The following MYO1G variants were observed in gnomAD, a reference collection of about 807,000 sequenced individuals.
The protein encoded by MYO1G is unconventional myosin-Ig.
MYO1G carries 65 observed loss-of-function variants against 115.3 expected under a neutral mutation model. The observed-to-expected ratio is 0.56, with a 90% CI of 0.46 to 0.69. The LOEUF is 0.69. Ranked by LOEUF, MYO1G falls within the 30% of genes least tolerant of loss-of-function variation. MYO1G has a pLI of 0.00. For synonymous variants in MYO1G, 510 were observed against 552.6 expected (o/e 0.92, Z 1.08); for missense variants, 1,204 against 1,393.5 (o/e 0.86, Z 2.16).
chr7:44,966,058 C>T lies in MYO1G; in HGVS notation c.2157+15G>A. The T allele has an allele frequency of 6.2e-7, 1 of 1,608,754 alleles. No individual in the cohort carries two copies. The highest frequency in any genetic ancestry group is 8.5e-7 in the Non-Finnish European group (1 of 1,179,214). On this transcript the variant is annotated intron_variant, in intron 16 of 21. Coordinates refer to ENST00000258787, the MANE Select transcript of MYO1G (RefSeq NM_033054.3). This position sits in a 1 kb window ranked among gnomAD's most constrained non-coding sequence, Gnocchi z 5.0. ...CACCTCCATAGTGGATGTCTTCCTG[C>T]CCCGCCCACCTCACCTTCTGCAATA...
chr7:44,966,285 C>T lies in MYO1G; in HGVS notation c.1950-5G>A, dbSNP rs962725270. ...TATTCACAGGTCATCTTGTACCTGT[C>T]ACCACAGGACAGGGCAGTGTGGCCC... is the stretch of plus-strand genomic sequence containing the variant. On this transcript the variant is annotated splice_polypyrimidine_tract_variant and splice_region_variant and intron_variant, in intron 15 of 21. Coordinates refer to ENST00000258787, the MANE Select transcript of MYO1G (RefSeq NM_033054.3). The surrounding 1 kb of genome is among the most constrained non-coding windows in gnomAD (Gnocchi z 5.0). 2 of 1,596,072 alleles carry T rather than the reference C, an allele frequency of 1.3e-6. No homozygotes were observed. The highest frequency in any genetic ancestry group is 1.3e-5 in the African/African-American group (1 of 74,566).
chr7:44,976,849 G>T lies in MYO1G; in HGVS notation c.304+14C>A, dbSNP rs775994196. The T allele has an allele frequency of 4.3e-6, 7 of 1,612,462 alleles. No individual in the cohort carries two copies. The highest frequency in any genetic ancestry group is 5.9e-6 in the Non-Finnish European group (7 of 1,179,512). On this transcript the variant is annotated intron_variant, in intron 2 of 21. Transcript: ENST00000258787. ...AGATGCCGAGGGTGGGGGCCCGGCG[G>T]CAGGGACAGGTACCTGAGATGACGA...
At chr7:44,965,602 G>A (rs1226288445) in intron 17 of MYO1G, 35 bp downstream of exon 17, 2 of 1,575,870 alleles carry the variant, frequency 1.3e-6, no homozygotes, top group South Asian at 1.1e-5. Context: ...GTGGATGCCA[G>A]CTGAATGGAA....
At position 44,964,057 on chromosome 7, in the gene MYO1G, G is replaced by C. The variant is rs1356765158; in HGVS notation, c.2737C>G (p.Leu913Val). The C allele has an allele frequency of 6.3e-7, 1 of 1,591,226 alleles. No homozygotes were observed. Among genetic ancestry groups the C allele is most frequent in the Non-Finnish European group, 8.6e-7 (1 of 1,168,800 alleles). Residue 913 changes from leucine to valine, a missense_variant, in exon 20 of 22, where the codon CTT (leucine) becomes GTT (valine). By Grantham distance (32) the Leu-to-Val change is conservative. Coordinates refer to ENST00000258787, the MANE Select transcript of MYO1G (RefSeq NM_033054.3). The surrounding 1 kb of genome is among the most constrained non-coding windows in gnomAD (Gnocchi z 5.1). Reference protein sequence around the residue: ...RQYRVMRAVPLEAVTGLSVTS... With the variant: ...RQYRVMRAVPVEAVTGLSVTS... ...CCACCCACATTGCTCACCGCCTCAA[G>C]GGGCACGGCCCGCATCACCCGGTAC...
Position 44,978,999 on chromosome 7 carries a change from C to T in MYO1G, c.-38G>A. Reference sequence around the variant, plus strand: ...AAACACCTTGCCTCACCTTCCTGTGCCTGCTGGAAGGACAGTGAAGGAGAG... The same window carrying T: ...AAACACCTTGCCTCACCTTCCTGTGTCTGCTGGAAGGACAGTGAAGGAGAG... On this transcript the variant is annotated 5_prime_UTR_variant, in exon 1 of 22. Coordinates refer to ENST00000258787, the MANE Select transcript of MYO1G (RefSeq NM_033054.3). 6.3e-7 allele frequency: 1 copy of T among 1,592,068 alleles called. No homozygotes were observed. Among genetic ancestry groups the T allele is most frequent in the Non-Finnish European group, 8.6e-7 (1 of 1,160,028 alleles).
intron 5 of MYO1G, chr7:44,973,757 C>G (rs186521010): frequency 6.6e-6 from 1 of 151,174 alleles, no homozygotes; most frequent in South Asian, 2.1e-4. Flanking sequence ...CATGTGCCAC[C>G]GAACTCCCCC....
chr7:44,971,511 A>G (rs571790292), intron 7 of MYO1G, among the ~76,000 whole-genome samples, 162 bp downstream of exon 7: 8 of 152,304 alleles, frequency 5.3e-5, no homozygotes, highest in East Asian at 3.9e-4. Flanking sequence ...CCATGTATCA[A>G]CTGAGCTCAT....
chr7:44,975,669 G>A lies in MYO1G; in HGVS notation c.399-20C>T. The A allele has an allele frequency of 3.2e-6, 5 of 1,573,666 alleles. No individual in the cohort carries two copies. The highest frequency in any genetic ancestry group is 4.3e-6 in the Non-Finnish European group (5 of 1,155,264). On this transcript the variant is annotated intron_variant, in intron 3 of 21. Transcript: ENST00000258787. ...TTGACCCTGTCAGGGCAGAGGGGCT[G>A]GGTCTTAAGGCAAAGACTTCCCATC...
At position 44,969,771 on chromosome 7, in the gene MYO1G, A is replaced by G; in HGVS notation, c.1437T>C (p.Thr479=). The G allele has an allele frequency of 6.2e-7, 1 of 1,612,834 alleles. No homozygotes were observed. The change falls in exon 11 of 22, where the codon ACT becomes ACC. Residue 479 remains threonine, a synonymous_variant. Transcript: ENST00000258787. The surrounding 1 kb of genome is among the most constrained non-coding windows in gnomAD (Gnocchi z 5.0). ...DEACSSAGTI[T]DRIFLQTLDM... is the part of the protein sequence containing the mutation. ...CCAGGGTCTGCAGGAAGATTCGGTC[A>G]GTGATGGTGCCAGCAGAGCTGCAGG...
At position 44,971,759 on chromosome 7, in the gene MYO1G, C is replaced by G; in HGVS notation, c.760G>C (p.Ala254Pro). The change falls in exon 7 of 22, where the codon GCA (alanine) becomes CCA (proline). Residue 254 changes from alanine (A) to proline (P), a missense_variant. Coordinates refer to ENST00000258787, the MANE Select transcript of MYO1G (RefSeq NM_033054.3). ...ALDSDEQSHQ[A>P]VTEAMRVIGF... The stretch of plus-strand genomic sequence containing the variant: ...ATGACCCTCATGGCCTCGGTCACTG[C>G]CTGGTGGCTCTGCTCATCACTGTCC... 6.4e-7 allele frequency: 1 copy of G among 1,555,878 alleles called. No homozygotes were observed. The highest frequency in any genetic ancestry group is 1.2e-5 in the South Asian group (1 of 84,416).
At chr7:44,976,451 G>T in intron 3 of MYO1G, 113 bp downstream of exon 3, 1 of 994,712 alleles carries the variant, frequency 1.0e-6, no homozygotes, top group South Asian at 1.4e-5. Flanking sequence ...CACTGAACTT[G>T]ACCTGAGCTA....
At chr7:44,970,557 G>A (rs749378083) in intron 9 of MYO1G, 35 bp downstream of exon 9, 1 of 1,612,288 alleles carries the variant, frequency 6.2e-7, no homozygotes, top group South Asian at 1.1e-5. Context: ...GCTGCTGGGT[G>A]TCAGAGGTGG....
intron 5 of MYO1G, 68 bp from the exon 6 acceptor site, chr7:44,972,293 A>C: frequency 8.6e-7 from 1 of 1,161,564 alleles, no homozygotes; most frequent in East Asian, 2.3e-5. Flanking sequence ...ACACACAGGC[A>C]GGAGAACAAA....
chr7:44,969,991 G>A lies in MYO1G; in HGVS notation c.1332+49C>T, dbSNP rs1794922882. On this transcript the variant is annotated intron_variant, in intron 10 of 21. Transcript: ENST00000258787. This position sits in a 1 kb window ranked among gnomAD's most constrained non-coding sequence, Gnocchi z 5.0. ...CCCGGGCCCCTCCCCATGGGCTGAG[G>A]CCCCTCCACACCCCACTGCCTGGCC... 1.3e-6 allele frequency: 2 copies of A among 1,599,966 alleles called. No individual in the cohort carries two copies. Among genetic ancestry groups the A allele is most frequent in the Non-Finnish European group, 1.7e-6 (2 of 1,169,748 alleles).
At position 44,966,032 on chromosome 7, in the gene MYO1G, C is replaced by T; in HGVS notation, c.2157+41G>A. 1 of 1,598,246 alleles carries T rather than the reference C, an allele frequency of 6.3e-7. No individual in the cohort carries two copies. The highest frequency in any genetic ancestry group is 1.3e-5 in the African/African-American group (1 of 74,864). On this transcript the variant is annotated intron_variant, in intron 16 of 21. Transcript: ENST00000258787. The surrounding 1 kb of genome is among the most constrained non-coding windows in gnomAD (Gnocchi z 5.0). ...GTGGCCCCTGGGACACAAGCTTTCCCCACCTCCATAGTGGATGTCTTCCTG... is the reference window on the plus strand; with the variant it reads ...GTGGCCCCTGGGACACAAGCTTTCCTCACCTCCATAGTGGATGTCTTCCTG...
In MYO1G at chr7:44,967,867, C is replaced by T; in HGVS notation, c.1649+17G>A. 1 of 1,613,732 alleles carries T rather than the reference C, an allele frequency of 6.2e-7. No individual in the cohort carries two copies. The highest frequency in any genetic ancestry group is 8.5e-7 in the Non-Finnish European group (1 of 1,179,980). ...GGGCCCTGGCCCTCCCTATGGTGCC[C>T]AGCAAGCCGTGCTCACCTGTTGTAC... is the stretch of plus-strand genomic sequence containing the variant. On this transcript the variant is annotated intron_variant, in intron 13 of 21. Coordinates refer to ENST00000258787, the MANE Select transcript of MYO1G (RefSeq NM_033054.3).
chr7:44,977,802 G>A (rs1362463235), intron 1 of MYO1G, among the ~76,000 whole-genome samples: 1 of 152,124 alleles, frequency 6.6e-6, no homozygotes. Context: ...ACCCTTCCCT[G>A]GATGGCCCTG....
Position 44,963,714 on chromosome 7 carries a change from C to T in MYO1G, c.2745+335G>A, listed in dbSNP as rs1794789428. ...CCGGGACGGTATCCCACAGGAGGCC[C>T]AGAACATTGTGGTGGGTACTCAGGT... On this transcript the variant is annotated intron_variant, in intron 20 of 21. Coordinates refer to ENST00000258787, the MANE Select transcript of MYO1G (RefSeq NM_033054.3). This position sits in a 1 kb window ranked among gnomAD's most constrained non-coding sequence, Gnocchi z 4.1. 2 of 326,758 alleles carry T rather than the reference C, an allele frequency of 6.1e-6. No homozygotes were observed. The highest frequency in any genetic ancestry group is 4.3e-5 in the Admixed American group (1 of 23,490). The allele number at this position is 326,758 out of a possible 1,614,324, so 20.2% of individuals were successfully genotyped here.
At chr7:44,975,313 G>T in intron 4 of MYO1G, 86 bp from the exon 5 acceptor site, 1 of 1,540,196 alleles carries the variant, frequency 6.5e-7, no homozygotes, top group Non-Finnish European at 9.0e-7. Context: ...GTGCAAGGCA[G>T]GCTGGGGGTC....
Sources: gnomAD v4.1 joint callset for allele counts (sites outside exome capture counted in the v4.1 genomes callset) on GRCh38, gnomAD v4.1.1 for gene constraint, Gnocchi (gnomAD v3.1) non-coding constraint, MANE v1.5 for transcripts, NCBI Gene and HGNC (gene_info 2026-07-23, HGNC 2026-07-21) for gene names.